The following GART variants were observed in gnomAD, a reference collection of about 807,000 sequenced individuals.
The protein encoded by GART is phosphoribosylglycinamide formyltransferase, phosphoribosylglycinamide synthetase, phosphoribosylaminoimidazole synthetase, also known as trifunctional purine biosynthetic protein adenosine-3.
Under a neutral mutation model 107.2 loss-of-function variants are expected in GART, and 43 were observed. The ratio of observed to expected loss-of-function variants is 0.40; its 90% confidence interval spans 0.31 to 0.52. The LOEUF (loss-of-function observed/expected upper bound fraction) is 0.52, where lower values mean the gene tolerates loss of function less well. GART is among the 20% of genes least tolerant of loss of function. The pLI is 0.52. For synonymous variants in GART, 434 were observed against 427.0 expected (o/e 1.02, Z -0.20); for missense variants, 1,107 against 1,206.5 (o/e 0.92, Z 1.22).
In GART at chr21:33,517,076, G is replaced by A. The variant is rs2084892380; in HGVS notation, c.2020C>T (p.His674Tyr). Residue 674 changes from histidine to tyrosine, a missense_variant, in exon 16 of 22, where the codon CAT (histidine) becomes TAT (tyrosine). His to Tyr is a moderately conservative substitution (Grantham distance 83). Transcript: ENST00000381815. Reference protein sequence around the residue: ...HSLLPVLRSGHVKAFAHITGG... With the variant: ...HSLLPVLRSGYVKAFAHITGG... ...GTAATATGGGCAAAGGCTTTGACAT[G>A]TCCTGAACGTAGGACAGGTAACAGT... 3 of 1,613,784 alleles carry A rather than the reference G, an allele frequency of 1.9e-6. No individual in the cohort carries two copies. The highest frequency in any genetic ancestry group is 1.6e-4 in the Middle Eastern group (1 of 6,084).
At chr21:33,520,850 A>G (rs1382082956) in intron 13 of GART, 56 bp downstream of exon 13, 2 of 1,246,616 alleles carry the variant, frequency 1.6e-6, no homozygotes, top group Non-Finnish European at 2.3e-6. Flanking sequence ...TACATATTTG[A>G]TATAAATTTC....
At chr21:33,504,922 T>C (rs2084653599) in intron 20 of GART, among the ~76,000 whole-genome samples, 1 of 152,252 alleles carries the variant, frequency 6.6e-6, no homozygotes, top group Admixed American at 6.5e-5. Flanking sequence ...TAGTTCTGTG[T>C]GGCTCATGTC....
intron 17 of GART, among the ~76,000 whole-genome samples, chr21:33,511,008 T>C (rs1372339237): frequency 2.0e-5 from 3 of 151,830 alleles, no homozygotes; most frequent in Non-Finnish European, 4.4e-5. Context: ...TGTAGGGAGA[T>C]TACTTTGGGA....
chr21:33,519,567 A>G (rs2084933598), intron 14 of GART, among the ~76,000 whole-genome samples: 1 of 151,644 alleles, frequency 6.6e-6, no homozygotes, highest in African/African-American at 2.4e-5. Flanking sequence ...AAAAAAAAAA[A>G]AAAAGAGGCA....
At position 33,517,419 on chromosome 21, in the gene GART, A is replaced by G. The variant is rs1173956523; in HGVS notation, c.1892T>C (p.Val631Ala). Residue 631 changes from valine to alanine, a missense_variant, in exon 15 of 22, where the codon GTG becomes GCG. By Grantham distance (64) the Val-to-Ala change is moderately conservative. Transcript: ENST00000381815. Reference sequence around the variant, plus strand: ...GGAGTACTGGAGGGAAGATTTTGCCACGATTTTCCTCACAAGGCTAAATCC... The same window carrying G: ...GGAGTACTGGAGGGAAGATTTTGCCGCGATTTTCCTCACAAGGCTAAATCC... ...SNGFSLVRKI[V>A]AKSSLQYSSP... 6.2e-7 allele frequency: 1 copy of G among 1,614,060 alleles called. No homozygotes were observed. Among genetic ancestry groups the G allele is most frequent in the Non-Finnish European group, 8.5e-7 (1 of 1,180,034 alleles).
rs768447155 is a variant in GART, at chr21:33,509,822, T to C, written c.2413A>G (p.Lys805Glu). The C allele has an allele frequency of 1.2e-6, 2 of 1,614,108 alleles. No homozygotes were observed. ...AAGACAGCCACTCTGGCCTTTTTTT[T>C]TTCAAAAGAGAAATGATTTGTCAGG... is the stretch of plus-strand genomic sequence containing the variant. ...GSLTNHFSFE[K>E]KKARVAVLIS... Residue 805 changes from lysine (K) to glutamate (E), a missense_variant, in exon 18 of 22, where the codon AAA (lysine) becomes GAA (glutamate). Coordinates refer to ENST00000381815, the MANE Select transcript of GART (RefSeq NM_000819.5).
At chr21:33,535,501 G>A (rs1049480212) in intron 2 of GART, among the ~76,000 whole-genome samples, 181 bp from the exon 3 acceptor site, 1 of 152,142 alleles carries the variant, frequency 6.6e-6, no homozygotes, top group African/African-American at 2.4e-5. Flanking sequence ...GAGTGCATTA[G>A]GCTAACCAAC....
chr21:33,515,515 C>A (rs968360534), intron 16 of GART, among the ~76,000 whole-genome samples: 1 of 151,976 alleles, frequency 6.6e-6, no homozygotes, highest in African/African-American at 2.4e-5. Flanking sequence ...TGGCGGGCAC[C>A]TGTAGTCCCA....
chr21:33,528,078 C>A, intron 10 of GART, 89 bp downstream of exon 10: 1 of 1,256,006 alleles, frequency 8.0e-7, no homozygotes, highest in South Asian at 1.3e-5. Context: ...ACACTCTTAT[C>A]GAGAGCAAGC....
intron 16 of GART, among the ~76,000 whole-genome samples, chr21:33,513,283 A>T (rs2300374): frequency 0.41 from 62,446 of 151,970 alleles, 13,037 homozygotes; most frequent in East Asian, 0.58. Context: ...ATACAATTTT[A>T]AAAATGAGGC....
At chr21:33,516,093 C>T (rs1285081305) in intron 16 of GART, among the ~76,000 whole-genome samples, 1 of 151,488 alleles carries the variant, frequency 6.6e-6, no homozygotes, top group Non-Finnish European at 1.5e-5. Context: ...ACTAAAAATA[C>T]AAAAATTAGC....
upstream of GART, chr21:33,542,492 C>G (rs950693381): frequency 1.3e-5 from 2 of 153,500 alleles, no homozygotes; most frequent in African/African-American, 4.8e-5. Context: ...ATGCCGGTCG[C>G]TTAGGACATC....
At chr21:33,528,631 AAGAG>A (rs5843611) in intron 8 of GART, 27 bp from the exon 9 acceptor site, 19 of 1,439,224 alleles carry the variant, frequency 1.3e-5, no homozygotes, top group Non-Finnish European at 1.5e-5. Context: ...AAAAAAAAAA[AAGAG>A]AGAAAGAAAA....
chr21:33,530,382 G>T (rs1319974554), intron 7 of GART, among the ~76,000 whole-genome samples: 4 of 151,994 alleles, frequency 2.6e-5, no homozygotes. Context: ...GATGTGACTT[G>T]GTTCTCAATT....
rs569830614 is a variant in GART at position 33,525,749 on chromosome 21, G to A, written c.1067-749C>T. Reference sequence around the variant, plus strand: ...TAAGAACTGTCTGCTATTTTAGGATGACAACCTAAATTCTTGTGTTATCGT... The same window carrying A: ...TAAGAACTGTCTGCTATTTTAGGATAACAACCTAAATTCTTGTGTTATCGT... On this transcript the variant is annotated intron_variant, in intron 10 of 21. Transcript: ENST00000381815. Among the ~76,000 whole-genome samples, 125 of 152,142 alleles carry A rather than the reference G, an allele frequency of 8.2e-4. No individual in the cohort carries two copies. The Middle Eastern group carries it at 0.014, about 17-fold the overall frequency.
At chr21:33,535,121 GATA>G in intron 3 of GART, 101 bp downstream of exon 3, 1 of 756,290 alleles carries the variant, frequency 1.3e-6, no homozygotes, top group Non-Finnish European at 2.0e-6. Context: ...CTTTTTCCAA[GATA>G]ATATTACAAA....
At chr21:33,531,257 T>C in intron 6 of GART, 1 of 499,198 alleles carries the variant, frequency 2.0e-6, no homozygotes, top group Non-Finnish European at 3.5e-6. Flanking sequence ...ATCCAGAACC[T>C]CAATAGTGTG....
In GART at chr21:33,520,979, A is replaced by G. The variant is rs374479026; in HGVS notation, c.1430T>C (p.Phe477Ser). The G allele has an allele frequency of 4.3e-6, 7 of 1,614,016 alleles. No homozygotes were observed. The highest frequency in any genetic ancestry group is 2.7e-5 in the African/African-American group (2 of 74,938). Reference protein sequence around the residue: ...KVDLGGFAGLFDLKAAGFKDP... With the variant: ...KVDLGGFAGLSDLKAAGFKDP... Reference sequence around the variant, plus strand: ...TTTGAAACCAGCTGCTTTTAAATCAAAAAGACCAGCAAAACCTCCAAGATC... The same window carrying G: ...TTTGAAACCAGCTGCTTTTAAATCAGAAAGACCAGCAAAACCTCCAAGATC... Residue 477 changes from phenylalanine (F) to serine (S), a missense_variant, in exon 13 of 22, where the codon TTT becomes TCT. Transcript: ENST00000381815.
intron 16 of GART, among the ~76,000 whole-genome samples, chr21:33,514,849 C>T (rs2084847912): frequency 6.6e-6 from 1 of 152,200 alleles, no homozygotes; most frequent in Non-Finnish European, 1.5e-5. Context: ...GAAATCCCAT[C>T]TGACCACTCT....
Sources: allele counts gnomAD v4.1 joint callset (sites outside exome capture counted in the v4.1 genomes callset), GRCh38; gene constraint gnomAD v4.1.1; transcripts MANE v1.5; gene names NCBI Gene and HGNC (gene_info 2026-07-23, HGNC 2026-07-21).